JAKMIP1: variants seen among roughly 807,000 people sequenced by gnomAD.
JAKMIP1 encodes janus kinase and microtubule interacting protein 1, also known as janus kinase and microtubule-interacting protein 1.
Under a neutral mutation model 113.0 loss-of-function variants are expected in JAKMIP1, and 33 were observed. That is an observed-to-expected ratio of 0.29 (90% confidence interval 0.22 to 0.39). JAKMIP1 has a LOEUF of 0.39. Among genes scored for constraint, JAKMIP1 ranks in the 10% least tolerant of loss-of-function variants. The pLI, the probability that JAKMIP1 is intolerant of heterozygous loss-of-function variation, is 1.00. For missense variants in JAKMIP1, 813 were observed against 1,080.5 expected (o/e 0.75, Z 3.47); for synonymous variants, 480 against 459.9 (o/e 1.04, Z -0.56).
At chr4:6,117,892 CTCT>C (rs1470840730) in intron 1 of JAKMIP1, among the ~76,000 whole-genome samples, 1 of 152,246 alleles carries the variant, frequency 6.6e-6, no homozygotes, top group African/African-American at 2.4e-5. Context: ...AAGGTTCTCT[CTCT>C]TATTCCCTGA....
chr4:6,171,769 C>T (rs1209640407), intron 1 of JAKMIP1, among the ~76,000 whole-genome samples: 1 of 152,198 alleles, frequency 6.6e-6, no homozygotes, highest in African/African-American at 2.4e-5. Context: ...ATGCCAACTC[C>T]CTGCCTGGCA....
Position 6,089,262 on chromosome 4 carries a change from G to A in JAKMIP1, c.625-3633C>T, listed in dbSNP as rs1319341493. On this transcript the variant is annotated intron_variant, in intron 3 of 20. Transcript: ENST00000409021. The surrounding 1 kb of genome is among the most constrained non-coding windows in gnomAD (Gnocchi z 5.3). ...GAGCTGCACCTACAGCAAATCCCAT[G>A]ACTTCAGTTGGGGGAGCCAACAGAC... Among the ~76,000 whole-genome samples, 1 of 152,242 alleles carries A rather than the reference G, an allele frequency of 6.6e-6. No individual in the cohort carries two copies. Among genetic ancestry groups the A allele is most frequent in the Non-Finnish European group, 1.5e-5 (1 of 68,044 alleles).
intron 1 of JAKMIP1, among the ~76,000 whole-genome samples, chr4:6,189,478 G>A (rs549436106): frequency 1.3e-5 from 2 of 152,270 alleles, no homozygotes; most frequent in South Asian, 2.1e-4. Flanking sequence ...AAGCAATGGC[G>A]AGAACATACT....
rs748504453 is a variant in JAKMIP1, at chr4:6,062,395, G to A, written c.1477C>T (p.Arg493Trp). ...EADLRFCQLT[R>W]EYQALQRAYA... ...GCGCGTTGCAGGGCCTGGTACTCCC[G>A]GGTCAGCTGGCAGAAGCGCAGGTCA... Residue 493 changes from arginine to tryptophan, a missense_variant, in exon 10 of 21, where the codon CGG becomes TGG. Arg to Trp is a moderately radical substitution (Grantham distance 101). This residue lies in a region of JAKMIP1 where 273 missense variants were observed against 426.6 expected (regional missense o/e 0.64). Coordinates refer to ENST00000409021, the MANE Select transcript of JAKMIP1 (RefSeq NM_001099433.2). 6.8e-6 allele frequency: 11 copies of A among 1,613,820 alleles called. No individual in the cohort carries two copies. The highest frequency in any genetic ancestry group is 4.5e-5 in the East Asian group (2 of 44,880).
At chr4:6,073,375 G>A (rs906585442) in intron 8 of JAKMIP1, among the ~76,000 whole-genome samples, 6 of 152,318 alleles carry the variant, frequency 3.9e-5, no homozygotes, top group African/African-American at 1.4e-4. Flanking sequence ...GAGTCATTTG[G>A]GGAGGAGGGG....
At position 6,094,715 on chromosome 4, in the gene JAKMIP1, C is replaced by G. The variant is rs2108849342; in HGVS notation, c.625-9086G>C. 6.6e-6 allele frequency among the ~76,000 whole-genome samples: 1 copy of G among 152,296 alleles called. No individual in the cohort carries two copies. Among genetic ancestry groups the G allele is most frequent in the Non-Finnish European group, 1.5e-5 (1 of 68,028 alleles). On this transcript the variant is annotated intron_variant, in intron 3 of 20. Coordinates refer to ENST00000409021, the MANE Select transcript of JAKMIP1 (RefSeq NM_001099433.2). This position sits in a 1 kb window ranked among gnomAD's most constrained non-coding sequence, Gnocchi z 4.2. ...CATTATAGAAAATGAAAAATACAGCCAGACGCAGTGGCTCACGCCTATAAT... is the reference window on the plus strand; with the variant it reads ...CATTATAGAAAATGAAAAATACAGCGAGACGCAGTGGCTCACGCCTATAAT...
At chr4:6,074,875 C>G (rs547388359) in intron 8 of JAKMIP1, among the ~76,000 whole-genome samples, 4 of 152,340 alleles carry the variant, frequency 2.6e-5, no homozygotes, top group Non-Finnish European at 4.4e-5. Context: ...CAGTAGCATG[C>G]GGCACAGGCT....
At chr4:6,182,494 C>G (rs577066463) in intron 1 of JAKMIP1, among the ~76,000 whole-genome samples, 55 of 152,034 alleles carry the variant, frequency 3.6e-4, no homozygotes, top group Non-Finnish European at 6.8e-4. Context: ...TTTCCTTTCT[C>G]TCTCCACCAT....
chr4:6,055,110 C>T (rs1289742116), intron 12 of JAKMIP1, among the ~76,000 whole-genome samples: 3 of 152,168 alleles, frequency 2.0e-5, no homozygotes, highest in Non-Finnish European at 4.4e-5. Flanking sequence ...GCCAAGGACC[C>T]CCACCAGGGC....
Position 6,158,700 on chromosome 4 carries a change from T to C in JAKMIP1, c.-148+41553A>G, listed in dbSNP as rs1722553109. 6.6e-6 allele frequency among the ~76,000 whole-genome samples: 1 copy of C among 152,066 alleles called. No homozygotes were observed. The highest frequency in any genetic ancestry group is 1.5e-5 in the Non-Finnish European group (1 of 68,032). ...TTAGGTTAGGAAAGAAAATTTGGTTTGAAAATTTATTGGATAAAAATAGGG... is the reference window on the plus strand; with the variant it reads ...TTAGGTTAGGAAAGAAAATTTGGTTCGAAAATTTATTGGATAAAAATAGGG... On this transcript the variant is annotated intron_variant, in intron 1 of 20. Coordinates refer to ENST00000409021, the MANE Select transcript of JAKMIP1 (RefSeq NM_001099433.2). This position sits in a 1 kb window ranked among gnomAD's most constrained non-coding sequence, Gnocchi z 5.3.
chr4:6,170,209 C>G, intron 1 of JAKMIP1, among the ~76,000 whole-genome samples: 1 of 148,782 alleles, frequency 6.7e-6, no homozygotes. Context: ...CCATCATTGT[C>G]AAGACCATCA....
chr4:6,088,229 A>G lies in JAKMIP1; in HGVS notation c.625-2600T>C, dbSNP rs1721570396. Among the ~76,000 whole-genome samples the G allele has an allele frequency of 6.6e-6, 1 of 152,206 alleles. No homozygotes were observed. Among genetic ancestry groups the G allele is most frequent in the African/African-American group, 2.4e-5 (1 of 41,450 alleles). ...GGAGCAGGCAATAAACATAATAAAT[A>G]AGCAGACATTGTAGTGATTGAGAGT... On this transcript the variant is annotated intron_variant, in intron 3 of 20. Transcript: ENST00000409021. This position sits in a 1 kb window ranked among gnomAD's most constrained non-coding sequence, Gnocchi z 5.5.
Position 6,062,248 on chromosome 4 carries a change from G to A in JAKMIP1, c.1560+64C>T. ...CCAAGCCAGGGTATGTCACACTTCT[G>A]GAAAGGACCTACATGACCTGGCCTT... On this transcript the variant is annotated intron_variant, in intron 10 of 20. Transcript: ENST00000409021. 5 of 1,578,942 alleles carry A rather than the reference G, an allele frequency of 3.2e-6. No homozygotes were observed. The South Asian group carries it at 5.5e-5, about 17-fold the overall frequency.
chr4:6,146,424 A>G lies in JAKMIP1; in HGVS notation c.-147-33427T>C, dbSNP rs535473554. ...CCTCCCACCTCAGACCCCAAGTAGT[A>G]GTTGGGACTACAGGCATGTGTCAAC... is the stretch of plus-strand genomic sequence containing the variant. On this transcript the variant is annotated intron_variant, in intron 1 of 20. Coordinates refer to ENST00000409021, the MANE Select transcript of JAKMIP1 (RefSeq NM_001099433.2). Among the ~76,000 whole-genome samples, 11 of 152,182 alleles carry G rather than the reference A, an allele frequency of 7.2e-5. 1 individual carries two copies. The South Asian group carries it at 2.3e-3, about 32-fold the overall frequency.
intron 3 of JAKMIP1, among the ~76,000 whole-genome samples, chr4:6,090,821 C>A (rs1330491967): frequency 6.6e-6 from 1 of 151,590 alleles, no homozygotes; most frequent in Non-Finnish European, 1.5e-5. Context: ...ACCATAACCA[C>A]CTTAAACTAG....
intron 3 of JAKMIP1, among the ~76,000 whole-genome samples, chr4:6,098,716 GAAAGAAAAAGAAAGAAAGAGAA>G (rs769156970): frequency 2.9e-4 from 2 of 6,966 alleles, no homozygotes; most frequent in African/African-American, 5.0e-4. Context: ...AAGAAAGAAA[GAAAGAAAAAGAAAGAAAGAGAA>G]GGAAGGAAGG....
intron 3 of JAKMIP1, among the ~76,000 whole-genome samples, chr4:6,100,693 C>G (rs1485891375): frequency 6.6e-6 from 1 of 152,084 alleles, no homozygotes; most frequent in Non-Finnish European, 1.5e-5. Context: ...AAAGTCCTAT[C>G]AGAATGACGG....
rs760228975 is a variant in JAKMIP1 at position 6,056,747 on chromosome 4, C to T, written c.1657G>A (p.Val553Ile). ...CTGATGAGCAGCTGCTTCTCTTCAA[C>T]CCACTTGGAATCCTAAGGAAAAGTA... Reference protein sequence around the residue: ...LVEKGQDSKWVEEKQLLIRTN... With the variant: ...LVEKGQDSKWIEEKQLLIRTN... Residue 553 changes from valine to isoleucine, a missense_variant, in exon 12 of 21, where the codon GTT (valine) becomes ATT (isoleucine). Transcript: ENST00000409021. 6.2e-7 allele frequency: 1 copy of T among 1,612,642 alleles called. No individual in the cohort carries two copies. The highest frequency in any genetic ancestry group is 1.7e-5 in the Admixed American group (1 of 60,022).
At chr4:6,103,086 G>T (rs998406951) in intron 3 of JAKMIP1, among the ~76,000 whole-genome samples, 1 of 152,020 alleles carries the variant, frequency 6.6e-6, no homozygotes, top group African/African-American at 2.4e-5. Context: ...ATCTTGTTTT[G>T]ACCTTGAACT....
Sources: allele counts gnomAD v4.1 joint callset (sites outside exome capture counted in the v4.1 genomes callset), GRCh38; gene constraint gnomAD v4.1.1; regional missense constraint gnomAD v4.1.1; non-coding constraint Gnocchi (gnomAD v3.1); transcripts MANE v1.5; gene names NCBI Gene and HGNC (gene_info 2026-07-23, HGNC 2026-07-21).